The following TENM2 variants were observed in gnomAD, a reference collection of about 807,000 sequenced individuals.
TENM2 encodes teneurin-2.
In TENM2, 52 loss-of-function variants were observed where a neutral mutation model predicts 245.2. That is an observed-to-expected ratio of 0.21 (90% CI 0.17 to 0.27). The LOEUF is 0.27. TENM2 is among the 10% of genes least tolerant of loss of function. The pLI, the probability that TENM2 is intolerant of heterozygous loss-of-function variation, is 1.00. For synonymous variants in TENM2, 1,363 were observed against 1,438.9 expected (o/e 0.95, Z 1.19); for missense variants, 3,046 against 3,666.8 (o/e 0.83, Z 4.37).
chr5:167,061,440 C>A, the TENM2 span, among the ~76,000 whole-genome samples: 4 of 152,138 alleles, frequency 2.6e-5, no homozygotes, highest in African/African-American at 9.7e-5. Context: ...GATAATTTAA[C>A]AGGCACAATT....
In TENM2 at chr5:168,134,349, C is replaced by T. The variant is rs528666692; in HGVS notation, c.2422+7383C>T. Among the ~76,000 whole-genome samples the T allele has an allele frequency of 5.8e-4, 89 of 152,190 alleles. 1 individual carries two copies. Among genetic ancestry groups the T allele is most frequent in the African/African-American group, 2.1e-3 (87 of 41,538 alleles). ...CCTACCATAAAGTAAGAGCCAGATACATGTAAGCTGTTATCATCATCACCA... is the reference window on the plus strand; with the variant it reads ...CCTACCATAAAGTAAGAGCCAGATATATGTAAGCTGTTATCATCATCACCA... On this transcript the variant is annotated intron_variant, in intron 12 of 28. Coordinates refer to ENST00000518659, the Ensembl canonical transcript of TENM2.
chr5:167,102,857 A>G, the TENM2 span, among the ~76,000 whole-genome samples: 1 of 152,170 alleles, frequency 6.6e-6, no homozygotes, highest in South Asian at 2.1e-4. Context: ...CGGGGGTTTC[A>G]GCATGTTGGC....
chr5:168,178,241 C>G (rs1172364209), intron 13 of TENM2, among the ~76,000 whole-genome samples: 2 of 152,218 alleles, frequency 1.3e-5, no homozygotes, highest in East Asian at 3.9e-4. Flanking sequence ...GCTGCCACCC[C>G]CTGCCGGGCC....
At chr5:167,015,547 C>T in the TENM2 span, among the ~76,000 whole-genome samples, 1 of 152,152 alleles carries the variant, frequency 6.6e-6, no homozygotes. Flanking sequence ...GGGTCATCTT[C>T]TTATTAATGA....
the TENM2 span, among the ~76,000 whole-genome samples, chr5:167,182,245 T>C: frequency 1.3e-5 from 2 of 152,162 alleles, no homozygotes; most frequent in East Asian, 3.9e-4. Flanking sequence ...TATCTATATA[T>C]TTATAATGAT....
At chr5:168,191,662 G>A (rs1483169619) in intron 14 of TENM2, among the ~76,000 whole-genome samples, 1 of 151,880 alleles carries the variant, frequency 6.6e-6, no homozygotes, top group East Asian at 1.9e-4. Flanking sequence ...CCTCATTCAG[G>A]TAGGCCCAGG....
the TENM2 span, among the ~76,000 whole-genome samples, chr5:167,261,351 T>C: frequency 6.6e-6 from 1 of 152,194 alleles, no homozygotes; most frequent in South Asian, 2.1e-4. Flanking sequence ...CATTTTATTA[T>C]CTGTAAACTG....
At chr5:167,537,933 A>C (rs1403293047) in intron 2 of TENM2, among the ~76,000 whole-genome samples, 1 of 152,234 alleles carries the variant, frequency 6.6e-6, no homozygotes, top group Non-Finnish European at 1.5e-5. Context: ...CATGATATTC[A>C]ACTTAGCTGT....
At chr5:167,917,352 T>C (rs574360499) in intron 3 of TENM2, among the ~76,000 whole-genome samples, 1 of 151,710 alleles carries the variant, frequency 6.6e-6, no homozygotes, top group Non-Finnish European at 1.5e-5. Context: ...GGTGCTGGAG[T>C]CTCGGGGGGT....
intron 1 of TENM2, among the ~76,000 whole-genome samples, chr5:167,288,713 A>G (rs577753227): frequency 2.0e-5 from 3 of 152,180 alleles, no homozygotes; most frequent in Non-Finnish European, 4.4e-5. Flanking sequence ...GTTTACTTAT[A>G]TTAGGAAACT....
At chr5:167,172,292 C>T in the TENM2 span, among the ~76,000 whole-genome samples, 1 of 152,156 alleles carries the variant, frequency 6.6e-6, no homozygotes, top group Non-Finnish European at 1.5e-5. Flanking sequence ...AAATTGTACC[C>T]TTATATCCAG....
intron 2 of TENM2, among the ~76,000 whole-genome samples, chr5:167,743,159 C>G (rs1286370518): frequency 6.6e-6 from 1 of 152,186 alleles, no homozygotes; most frequent in South Asian, 2.1e-4. Flanking sequence ...TACTGGAGAG[C>G]AGCTGAGGCT....
the TENM2 span, among the ~76,000 whole-genome samples, chr5:167,238,070 A>G: frequency 6.6e-6 from 1 of 150,884 alleles, no homozygotes; most frequent in Non-Finnish European, 1.5e-5. Context: ...CTCAGAATGT[A>G]TGGAATGTAC....
intron 3 of TENM2, among the ~76,000 whole-genome samples, chr5:167,886,427 C>G (rs1774297179): frequency 6.6e-6 from 1 of 152,070 alleles, no homozygotes; most frequent in South Asian, 2.1e-4. Context: ...GCTATTAAAT[C>G]AGAAGGATGA....
At chr5:167,032,064 G>A in the TENM2 span, among the ~76,000 whole-genome samples, 392 of 151,960 alleles carry the variant, frequency 2.6e-3, 2 homozygotes, top group African/African-American at 7.9e-3. Flanking sequence ...ATGTTTTTTC[G>A]GAATTCCACA....
At chr5:167,323,139 T>C (rs2127774968) in intron 1 of TENM2, among the ~76,000 whole-genome samples, 1 of 152,360 alleles carries the variant, frequency 6.6e-6, no homozygotes, top group South Asian at 2.1e-4. Flanking sequence ...GGAGGATTTA[T>C]ACTAGTACAG....
At chr5:168,107,451 G>A (rs577355207) in intron 9 of TENM2, among the ~76,000 whole-genome samples, 6 of 152,228 alleles carry the variant, frequency 3.9e-5, no homozygotes, top group Admixed American at 1.3e-4. Context: ...TGGATCTGAA[G>A]AGATTGTTAC....
chr5:167,082,625 T>A, the TENM2 span, among the ~76,000 whole-genome samples: 2 of 152,160 alleles, frequency 1.3e-5, no homozygotes, highest in Non-Finnish European at 2.9e-5. Flanking sequence ...TTGACACAGT[T>A]GTTACTTCAA....
chr5:167,859,704 C>T (rs1230327332), intron 2 of TENM2, among the ~76,000 whole-genome samples: 1 of 97,862 alleles, frequency 1.0e-5, no homozygotes. Context: ...CCCCTCTGCC[C>T]GGCCAGCCGC....
Sources: allele counts gnomAD v4.1 joint callset (sites outside exome capture counted in the v4.1 genomes callset), GRCh38; gene constraint gnomAD v4.1.1; transcripts MANE v1.5; gene names NCBI Gene and HGNC (gene_info 2026-07-23, HGNC 2026-07-21).